DNMT1: variants seen among roughly 807,000 people sequenced by gnomAD.
DNMT1 encodes the protein DNA (cytosine-5)-methyltransferase 1.
Under a neutral mutation model 205.3 loss-of-function variants are expected in DNMT1, and 24 were observed. The ratio of observed to expected loss-of-function variants is 0.12; its 90% CI spans 0.08 to 0.16. The LOEUF is 0.16. Among genes scored for constraint, DNMT1 ranks in the 10% least tolerant of loss-of-function variants. DNMT1 has a pLI of 1.00. For synonymous variants in DNMT1, 817 were observed against 839.8 expected, an observed-to-expected ratio of 0.97 and a Z score of 0.47; for missense variants, 1,293 against 2,177.7, an observed-to-expected ratio of 0.59 and a Z score of 8.09.
chr19:10,178,162 C>CA lies in DNMT1; in HGVS notation c.494-796dup, dbSNP rs939062497. Among the ~76,000 whole-genome samples the CA allele has an allele frequency of 2.7e-5, 4 of 149,568 alleles. No individual in the cohort carries two copies. The Admixed American group carries it at 2.7e-4, about 10-fold the overall frequency. The stretch of plus-strand genomic sequence containing the variant: ...GTCCCAGCTCCTCAGGAGGCTGAGG[C>CA]AAAAAAATCACTTGAACCCAGGAGG... On this transcript the variant is annotated intron_variant, in intron 5 of 40. Coordinates refer to ENST00000359526, the MANE Select transcript of DNMT1 (RefSeq NM_001130823.3).
intron 9 of DNMT1, among the ~76,000 whole-genome samples, chr19:10,172,176 G>T (rs1044520750): frequency 4.0e-5 from 6 of 151,216 alleles, no homozygotes; most frequent in Non-Finnish European, 7.4e-5. Context: ...AGCACTTTGG[G>T]AGGCCAAGGC....
intron 19 of DNMT1, 133 bp downstream of exon 19, chr19:10,155,720 G>A: frequency 1.1e-6 from 1 of 918,868 alleles, no homozygotes; most frequent in Non-Finnish European, 1.7e-6. Flanking sequence ...AACTGAACCT[G>A]CTAAGGTTCC....
chr19:10,133,668 T>C lies in DNMT1; in HGVS notation c.4898A>G (p.Ter1633TrpextTer23). The C allele has an allele frequency of 6.3e-7, 1 of 1,599,790 alleles. No individual in the cohort carries two copies. The highest frequency in any genetic ancestry group is 8.5e-7 in the Non-Finnish European group (1 of 1,172,336). Reference sequence around the variant, plus strand: ...AACAGGGGTGACGGGAGGGCAGAACTAGTCCTTAGCAGCTTCCTCCTCCTT... The same window carrying C: ...AACAGGGGTGACGGGAGGGCAGAACCAGTCCTTAGCAGCTTCCTCCTCCTT... Reference protein sequence around the residue: ...KIKEEEAAKD* With the variant: ...KIKEEEAAKDW Residue 1633 changes from the stop codon to tryptophan, a stop_lost, in exon 41 of 41, where the codon TAG becomes TGG. Transcript: ENST00000359526. The surrounding 1 kb of genome is among the most constrained non-coding windows in gnomAD (Gnocchi z 4.1).
rs1291906182 is a variant in DNMT1 at position 10,146,174 on chromosome 19, G to C, written c.2894+177C>G. ...TTACGCTCAGCTTTGCTCTGCAATA[G>C]CATCATGGTCAGTCTACACGATTTA... On this transcript the variant is annotated intron_variant, in intron 28 of 40. Coordinates refer to ENST00000359526, the MANE Select transcript of DNMT1 (RefSeq NM_001130823.3). The surrounding 1 kb of genome is among the most constrained non-coding windows in gnomAD (Gnocchi z 4.4). Among the ~76,000 whole-genome samples the C allele has an allele frequency of 6.6e-6, 1 of 152,142 alleles. No homozygotes were observed. The highest frequency in any genetic ancestry group is 1.5e-5 in the Non-Finnish European group (1 of 68,014).
chr19:10,180,515 T>C lies in DNMT1; in HGVS notation c.280A>G (p.Asn94Asp), dbSNP rs778222019. Residue 94 changes from asparagine to aspartate, a missense_variant, in exon 4 of 41, where the codon AAC becomes GAC. By Grantham distance (23) the Asn-to-Asp change is conservative (BLOSUM62 1). Around this residue, in one of 13 missense-constraint regions of DNMT1, gnomAD observed 394 missense variants for 451.6 expected, o/e 0.87. Transcript: ENST00000359526. ...SLLNKDLSLE[N>D]GAHAYNREVN... ...TCCCGGTTGTAAGCATGAGCACCGT[T>C]CTCCAAGGACAAATCTTTATTTAAA... The C allele has an allele frequency of 6.2e-7, 1 of 1,614,076 alleles. No homozygotes were observed. The highest frequency in any genetic ancestry group is 1.1e-5 in the South Asian group (1 of 91,076).
chr19:10,138,394 GA>G lies in DNMT1; in HGVS notation c.4115+44del. 2 of 1,613,158 alleles carry G rather than the reference GA, an allele frequency of 1.2e-6. No homozygotes were observed. The highest frequency in any genetic ancestry group is 1.7e-6 in the Non-Finnish European group (2 of 1,180,002). On this transcript the variant is annotated intron_variant, in intron 35 of 40. Transcript: ENST00000359526. This position sits in a 1 kb window ranked among gnomAD's most constrained non-coding sequence, Gnocchi z 4.1. The stretch of plus-strand genomic sequence containing the variant: ...GTACTCACGGGCCCCATGAGCTACT[GA>G]GGCCTGCTCGGCAGTGTGTGGAGGA...
intron 39 of DNMT1, 90 bp downstream of exon 39, chr19:10,135,646 C>G (rs1199230276): frequency 2.1e-6 from 3 of 1,409,700 alleles, no homozygotes; most frequent in East Asian, 4.9e-5. Flanking sequence ...GGCGTCCTCC[C>G]GGAAGTGACT....
Position 10,136,089 on chromosome 19 carries a change from C to A in DNMT1, c.4656+32G>T, listed in dbSNP as rs755408371. On this transcript the variant is annotated intron_variant, in intron 38 of 40. Transcript: ENST00000359526. ...TTAGGCCGCCAAGTACAGGGCCTGA[C>A]CCAGGCCCTCGGATGCCCCCTCCCC... 7 of 1,613,498 alleles carry A rather than the reference C, an allele frequency of 4.3e-6. No individual in the cohort carries two copies. In the South Asian group the frequency reaches 6.6e-5, roughly 15 times the overall value.
At chr19:10,164,566 C>T (rs2038643135) in intron 11 of DNMT1, among the ~76,000 whole-genome samples, 1 of 151,858 alleles carries the variant, frequency 6.6e-6, no homozygotes, top group Non-Finnish European at 1.5e-5. Context: ...ATGATAGCAC[C>T]ACTGCACTCC....
Position 10,159,608 on chromosome 19 carries a change from G to C in DNMT1, c.1280+50C>G. 1 of 1,562,156 alleles carries C rather than the reference G, an allele frequency of 6.4e-7. No individual in the cohort carries two copies. The highest frequency in any genetic ancestry group is 8.8e-7 in the Non-Finnish European group (1 of 1,133,608). On this transcript the variant is annotated intron_variant, in intron 17 of 40. Transcript: ENST00000359526. The surrounding 1 kb of genome is among the most constrained non-coding windows in gnomAD (Gnocchi z 5.0). ...AATCGTGAGCCCGCAGGCACCTCTG[G>C]GGATGTGCCTCCTTCCACGAAGCAA...
At chr19:10,148,413 A>G (rs138144240) in intron 27 of DNMT1, among the ~76,000 whole-genome samples, 226 of 149,958 alleles carry the variant, frequency 1.5e-3, no homozygotes, top group African/African-American at 4.2e-3. Context: ...GGAGAATGGC[A>G]TGAACCCAGG....
chr19:10,171,552 T>C (rs564423169), intron 9 of DNMT1, among the ~76,000 whole-genome samples: 1 of 152,196 alleles, frequency 6.6e-6, no homozygotes, highest in Non-Finnish European at 1.5e-5. Flanking sequence ...ACGCCTGTAA[T>C]CCCAGCACTT....
Position 10,159,044 on chromosome 19 carries a change from G to A in DNMT1, c.1280+614C>T, listed in dbSNP as rs1014332415. Among the ~76,000 whole-genome samples the A allele has an allele frequency of 6.6e-6, 1 of 152,140 alleles. No homozygotes were observed. The highest frequency in any genetic ancestry group is 1.5e-5 in the Non-Finnish European group (1 of 68,026). ...CCCATTTCTGGCTCCGTGAAGGCAG[G>A]ACCTGAGCAGCTACATCCACGACAC... On this transcript the variant is annotated intron_variant, in intron 17 of 40. Coordinates refer to ENST00000359526, the MANE Select transcript of DNMT1 (RefSeq NM_001130823.3). The surrounding 1 kb of genome is among the most constrained non-coding windows in gnomAD (Gnocchi z 5.0).
intron 10 of DNMT1, among the ~76,000 whole-genome samples, chr19:10,168,031 G>A (rs1396080014): frequency 6.6e-6 from 1 of 152,082 alleles, no homozygotes; most frequent in East Asian, 1.9e-4. Flanking sequence ...GCTGAGACAG[G>A]AGAATTGCTT....
At chr19:10,148,703 T>TA (rs1336015676) in intron 27 of DNMT1, among the ~76,000 whole-genome samples, 181 bp downstream of exon 27, 1 of 150,742 alleles carries the variant, frequency 6.6e-6, no homozygotes, top group Non-Finnish European at 1.5e-5. Context: ...TCCACACACT[T>TA]AAAGCAACTC....
intron 14 of DNMT1, 62 bp downstream of exon 14, chr19:10,160,321 GT>G: frequency 6.2e-7 from 1 of 1,608,358 alleles, no homozygotes; most frequent in Non-Finnish European, 8.5e-7. Flanking sequence ...CTTCCCTTTT[GT>G]TCTAGAACCA....
In DNMT1 at chr19:10,191,364, T is replaced by TAA. The variant is rs548166248; in HGVS notation, c.80+3454_80+3455dup. 8.4e-4 allele frequency among the ~76,000 whole-genome samples: 109 copies of TAA among 129,280 alleles called. 1 individual carries two copies. The highest frequency in any genetic ancestry group is 6.3e-3 in the East Asian group (29 of 4,594). 84.8% of individuals were successfully genotyped at this position (129,280 alleles called of 152,430 possible). ...CATTTAATGAAATATTTTCAAAATG[T>TAA]AAAAAAAAAAAAAAAAGTCTGTGGA... On this transcript the variant is annotated intron_variant, in intron 1 of 40. Transcript: ENST00000359526.
chr19:10,142,657 A>C (rs1414653448), intron 29 of DNMT1, among the ~76,000 whole-genome samples: 2 of 148,302 alleles, frequency 1.3e-5, no homozygotes, highest in African/African-American at 5.0e-5. Context: ...AAGACCCCCC[A>C]GTTATGGAAC....
intron 6 of DNMT1, among the ~76,000 whole-genome samples, chr19:10,177,021 G>A (rs2038950239): frequency 6.6e-6 from 1 of 152,032 alleles, no homozygotes; most frequent in Admixed American, 6.6e-5. Context: ...ATGAAACAAC[G>A]GCTGTAACTT....
Sources: allele counts gnomAD v4.1 joint callset (sites outside exome capture counted in the v4.1 genomes callset), GRCh38; gene constraint gnomAD v4.1.1; regional missense constraint gnomAD v4.1.1; non-coding constraint Gnocchi (gnomAD v3.1); transcripts MANE v1.5; gene names NCBI Gene and HGNC (gene_info 2026-07-23, HGNC 2026-07-21).